The following TSKS variants were observed in gnomAD, a reference collection of about 807,000 sequenced individuals.
TSKS encodes the protein testis-specific serine kinase substrate.
Under a neutral mutation model 68.0 loss-of-function variants are expected in TSKS, and 27 were observed. The ratio of observed to expected loss-of-function variants is 0.40; its 90% CI spans 0.29 to 0.55. TSKS has a LOEUF of 0.55. Ranked by LOEUF, TSKS falls within the 20% of genes least tolerant of loss-of-function variation. The pLI, the probability that TSKS is intolerant of heterozygous loss-of-function variation, is 0.53. For synonymous variants in TSKS, 331 were observed against 340.4 expected (o/e 0.97, Z 0.30); for missense variants, 806 against 776.0 (o/e 1.04, Z -0.46).
chr19:49,747,601 A>G, intron 4 of TSKS, 129 bp from the exon 5 acceptor site: 4 of 906,182 alleles, frequency 4.4e-6, no homozygotes, highest in Non-Finnish European at 6.9e-6. Context: ...TCACCAGCTC[A>G]TTTCCTTGGC....
intron 7 of TSKS, 145 bp from the exon 8 acceptor site, chr19:49,744,549 C>T: frequency 5.2e-6 from 4 of 771,258 alleles, no homozygotes. Flanking sequence ...TCTGACTGGC[C>T]TCACTTTTTG....
intron 6 of TSKS, among the ~76,000 whole-genome samples, chr19:49,746,195 C>G (rs777081709): frequency 2.6e-5 from 4 of 151,292 alleles, no homozygotes; most frequent in Non-Finnish European, 4.4e-5. Context: ...AAAAACAAAA[C>G]AAAACAAAAA....
At chr19:49,762,460 G>A (rs543887713) in intron 1 of TSKS, among the ~76,000 whole-genome samples, 1 of 124,176 alleles carries the variant, frequency 8.1e-6, no homozygotes, top group South Asian at 2.5e-4. Flanking sequence ...GTCTCACTCT[G>A]TTGCCCAGGC....
intron 6 of TSKS, among the ~76,000 whole-genome samples, chr19:49,746,170 A>G (rs188984540): frequency 2.3e-3 from 356 of 152,046 alleles, no homozygotes; most frequent in African/African-American, 8.3e-3. Flanking sequence ...GCGACAAGCG[A>G]GACTCCGCCT....
At position 49,763,141 on chromosome 19, in the gene TSKS, G is replaced by C. The variant is rs759123337; in HGVS notation, c.107C>G (p.Pro36Arg). The change falls in exon 1 of 11, where the codon CCC becomes CGC. Residue 36 changes from proline (P) to arginine (R), a missense_variant. By Grantham distance (103) the Pro-to-Arg change is moderately radical (BLOSUM62 -2). Coordinates refer to ENST00000246801, the MANE Select transcript of TSKS (RefSeq NM_021733.2). This position sits in a 1 kb window ranked among gnomAD's most constrained non-coding sequence, Gnocchi z 4.5. ...ESCSQLVPEA[P>R]RRVTSRAKGI... ...CTTGGCCCGGCTGGTCACCCTCCGG[G>C]GAGCCTCTGGGACTAGCTGGGAGCA... The C allele has an allele frequency of 6.2e-7, 1 of 1,611,288 alleles. No individual in the cohort carries two copies. Among genetic ancestry groups the C allele is most frequent in the Admixed American group, 1.7e-5 (1 of 59,654 alleles).
chr19:49,754,351 TAGAC>T (rs1028545407), intron 2 of TSKS, among the ~76,000 whole-genome samples: 1 of 151,406 alleles, frequency 6.6e-6, no homozygotes, highest in African/African-American at 2.4e-5. Context: ...ATCCAAAAAT[TAGAC>T]AGGCATGGTG....
chr19:49,757,704 C>T (rs1318600458), intron 2 of TSKS, among the ~76,000 whole-genome samples: 1 of 151,952 alleles, frequency 6.6e-6, no homozygotes, highest in Non-Finnish European at 1.5e-5. Flanking sequence ...GTTCTCTGTC[C>T]CCCTCTTTCC....
At position 49,760,352 on chromosome 19, in the gene TSKS, G is replaced by A. The variant is rs141716311; in HGVS notation, c.399+1652C>T. Among the ~76,000 whole-genome samples the A allele has an allele frequency of 4.9e-4, 74 of 151,340 alleles. 1 individual carries two copies. The highest frequency in any genetic ancestry group is 6.8e-3 in the Middle Eastern group (2 of 294). On this transcript the variant is annotated intron_variant, in intron 2 of 10. Transcript: ENST00000246801. ...ATTATTTTTTTTTTGACAGACTCTC[G>A]CTGTGTCGCCCAGGCTGGAGTGCAG...
Position 49,762,137 on chromosome 19 carries a change from G to A in TSKS, c.266C>T (p.Ala89Val). The A allele has an allele frequency of 6.2e-7, 1 of 1,614,144 alleles. No homozygotes were observed. ...CTNVSLLNLA[A>V]MEPTDSTGTD... is the part of the protein sequence containing the mutation. ...CCCCGTGGAGTCAGTGGGCTCCATG[G>A]CGGCCAGGTTGAGCAGTGACACGTT... Residue 89 changes from alanine (A) to valine (V), a missense_variant, in exon 2 of 11, where the codon GCC becomes GTC. Physicochemically the swap from Ala to Val is moderately conservative, Grantham distance 64. Transcript: ENST00000246801.
In TSKS at chr19:49,740,187, G is replaced by A. The variant is rs371354407; in HGVS notation, c.1498-4C>T. 16 of 1,610,568 alleles carry A rather than the reference G, an allele frequency of 9.9e-6. No homozygotes were observed. The African/African-American group carries it at 1.9e-4, about 19-fold the overall frequency. On this transcript the variant is annotated splice_region_variant and splice_polypyrimidine_tract_variant and intron_variant, in intron 9 of 10. Transcript: ENST00000246801. ...CTAAGGCCTGGCGCTCCAGCTCCTG[G>A]GGAGAGGAGCGTAGGCGTAGCTGGG...
intron 2 of TSKS, among the ~76,000 whole-genome samples, chr19:49,753,142 C>G (rs1377867834): frequency 6.6e-6 from 1 of 152,224 alleles, no homozygotes. Flanking sequence ...AAAGCAACTA[C>G]AGGCCAGGTG....
rs372554030 is a variant in TSKS, at chr19:49,746,659, A to C, written c.803T>G (p.Leu268Arg). ...PEEKQKPEAG[L>R]SWNSLGPAAT... ...GGCGGGGCCCAGGCTGTTCCAGGAG[A>C]GGCCAGCCTCCGGCTTCTGCTTCTC... is the stretch of plus-strand genomic sequence containing the variant. Residue 268 changes from leucine to arginine, a missense_variant, in exon 6 of 11, where the codon CTC (leucine) becomes CGC (arginine). Transcript: ENST00000246801. 3.0e-5 allele frequency: 49 copies of C among 1,606,766 alleles called. No individual in the cohort carries two copies. Among genetic ancestry groups the C allele is most frequent in the Non-Finnish European group, 3.8e-5 (45 of 1,179,364 alleles).
intron 2 of TSKS, among the ~76,000 whole-genome samples, chr19:49,759,749 C>T (rs563349307): frequency 3.3e-5 from 5 of 151,642 alleles, no homozygotes; most frequent in East Asian, 1.9e-4. Flanking sequence ...GTGGAAAGAT[C>T]GCTTAAGCCC....
At chr19:49,740,422 A>G (rs963038788) in intron 9 of TSKS, 17 of 522,220 alleles carry the variant, frequency 3.3e-5, no homozygotes, top group African/African-American at 7.6e-5. Flanking sequence ...GCACTGACCT[A>G]TGTCCCAGCA....
chr19:49,752,383 C>CAAAA (rs35015955), intron 2 of TSKS, among the ~76,000 whole-genome samples: 1 of 83,236 alleles, frequency 1.2e-5, no homozygotes. Flanking sequence ...AACTCCATCT[C>CAAAA]AAAAAAAAAA....
chr19:49,740,448 C>T, intron 9 of TSKS: 1 of 461,364 alleles, frequency 2.2e-6, no homozygotes, highest in Non-Finnish European at 3.9e-6. Context: ...TAAATCAGTG[C>T]CTATCGTCTG....
In TSKS at chr19:49,746,626, G is replaced by A. The variant is rs142807989; in HGVS notation, c.836C>T (p.Ser279Phe). The change falls in exon 6 of 11, where the codon TCC becomes TTC. Residue 279 changes from serine (S) to phenylalanine (F), a missense_variant. Transcript: ENST00000246801. ...CCCTGGCGGGCCGGGGCAGCCCTGGGACGTGGCGGCGGGGCCCAGGCTGTT... is the reference window on the plus strand; with the variant it reads ...CCCTGGCGGGCCGGGGCAGCCCTGGAACGTGGCGGCGGGGCCCAGGCTGTT... ...SWNSLGPAAT[S>F]QGCPGPPGSP... 5,204 of 1,610,436 alleles carry A rather than the reference G, an allele frequency of 3.2e-3. 23 individuals are homozygous for A. Among genetic ancestry groups the A allele is most frequent in the Non-Finnish European group, 3.5e-3 (4,168 of 1,179,578 alleles).
chr19:49,741,231 G>A (rs2084249577), intron 9 of TSKS, among the ~76,000 whole-genome samples: 1 of 152,168 alleles, frequency 6.6e-6, no homozygotes, highest in Admixed American at 6.6e-5. Flanking sequence ...GGTTCTCTAC[G>A]TACAACTGCA....
rs769681341 is a variant in TSKS at position 49,763,079 on chromosome 19, C to A, written c.169G>T (p.Gly57Trp). ...PKKKKAVSFHGVEPQMSHQPM... is the reference protein window; with the variant it reads ...PKKKKAVSFHWVEPQMSHQPM... Reference sequence around the variant, plus strand: ...CCTGACAGTGTGCAACAAACCCACCCGTGGAACGACACGGCCTTCTTTTTC... The same window carrying A: ...CCTGACAGTGTGCAACAAACCCACCAGTGGAACGACACGGCCTTCTTTTTC... Residue 57 changes from glycine to tryptophan, a missense_variant and splice_region_variant, in exon 1 of 11, where the codon GGG (glycine) becomes TGG (tryptophan). Transcript: ENST00000246801. The surrounding 1 kb of genome is among the most constrained non-coding windows in gnomAD (Gnocchi z 4.5). 12 of 1,611,298 alleles carry A rather than the reference C, an allele frequency of 7.4e-6. No individual in the cohort carries two copies. In the Middle Eastern group the frequency reaches 5.0e-4, roughly 67 times the overall value.
Sources: gnomAD v4.1 joint callset for allele counts (sites outside exome capture counted in the v4.1 genomes callset) on GRCh38, gnomAD v4.1.1 for gene constraint, Gnocchi (gnomAD v3.1) non-coding constraint, MANE v1.5 for transcripts, NCBI Gene and HGNC (gene_info 2026-07-23, HGNC 2026-07-21) for gene names.